Variants in RANBP2 observed in about 807,000 individuals in gnomAD.
RANBP2 encodes RAN binding protein 2.
A neutral mutation model predicts 303.6 loss-of-function variants in RANBP2; 57 were observed. The observed-to-expected ratio is 0.19, with a 90% CI of 0.15 to 0.23. The LOEUF is 0.23. RANBP2 is among the 10% of genes least tolerant of loss of function. The pLI is 1.00. For missense variants in RANBP2, 3,138 were observed against 3,780.8 expected, an observed-to-expected ratio of 0.83 and a Z score of 4.46; for synonymous variants, 1,167 against 1,301.5, an observed-to-expected ratio of 0.90 and a Z score of 2.23.
At chr2:108,821,428 G>A in the RANBP2 span, among the ~76,000 whole-genome samples, 1 of 152,128 alleles carries the variant, frequency 6.6e-6, no homozygotes, top group Non-Finnish European at 1.5e-5. Flanking sequence ...CAGAGTTATT[G>A]TATTCAGTTG....
chr2:109,051,910 A>G, the RANBP2 span, among the ~76,000 whole-genome samples: 1 of 151,940 alleles, frequency 6.6e-6, no homozygotes, highest in Non-Finnish European at 1.5e-5. Flanking sequence ...CACCATGCCC[A>G]GCTAATTTTT....
chr2:109,595,553 G>A, the RANBP2 span, among the ~76,000 whole-genome samples: 1 of 152,134 alleles, frequency 6.6e-6, no homozygotes, highest in African/African-American at 2.4e-5. Flanking sequence ...CAGAAATTTG[G>A]AGAAATTAGA....
At chr2:109,466,603 T>C in the RANBP2 span, among the ~76,000 whole-genome samples, 2 of 151,618 alleles carry the variant, frequency 1.3e-5, no homozygotes, top group African/African-American at 2.4e-5. Context: ...ATTTATTAAC[T>C]ATTTCATGAT....
chr2:109,195,986 A>C, the RANBP2 span, among the ~76,000 whole-genome samples: 2 of 152,232 alleles, frequency 1.3e-5, no homozygotes. Flanking sequence ...AGACACCACC[A>C]GAAACTCCCA....
the RANBP2 span, among the ~76,000 whole-genome samples, chr2:108,914,978 T>C: frequency 6.6e-6 from 1 of 152,250 alleles, no homozygotes; most frequent in South Asian, 2.1e-4. Context: ...AGTGGCACGA[T>C]CTTGGCTCAC....
At chr2:109,423,247 G>A in the RANBP2 span, among the ~76,000 whole-genome samples, 48 of 152,088 alleles carry the variant, frequency 3.2e-4, no homozygotes, top group African/African-American at 9.2e-4. Flanking sequence ...CGTGGCCAGC[G>A]GTTTTCATCC....
At chr2:108,809,893 C>T in the RANBP2 span, among the ~76,000 whole-genome samples, 1 of 152,284 alleles carries the variant, frequency 6.6e-6, no homozygotes, top group East Asian at 1.9e-4. Flanking sequence ...GCAACCTCCA[C>T]CTCCTGGGTT....
At chr2:108,820,671 C>T in the RANBP2 span, among the ~76,000 whole-genome samples, 1 of 143,700 alleles carries the variant, frequency 7.0e-6, no homozygotes, top group East Asian at 2.0e-4. Flanking sequence ...TGCAGGCCAA[C>T]AGGCAGTGGG....
chr2:109,481,138 C>T, the RANBP2 span, among the ~76,000 whole-genome samples: 1 of 152,260 alleles, frequency 6.6e-6, no homozygotes, highest in East Asian at 1.9e-4. Context: ...AACCCTAAGA[C>T]GTGTCAAGAA....
chr2:109,585,422 A>AG, the RANBP2 span: 2 of 996,678 alleles, frequency 2.0e-6, no homozygotes, highest in Non-Finnish European at 3.0e-6. Context: ...AATATTTCAA[A>AG]GGCCAGGGTG....
chr2:109,360,543 G>A, the RANBP2 span, among the ~76,000 whole-genome samples: 1 of 152,180 alleles, frequency 6.6e-6, no homozygotes, highest in Admixed American at 6.5e-5. Flanking sequence ...ATCTCATTAT[G>A]TATATGCAAA....
the RANBP2 span, among the ~76,000 whole-genome samples, chr2:109,095,581 C>T: frequency 6.6e-6 from 1 of 152,060 alleles, no homozygotes; most frequent in African/African-American, 2.4e-5. Context: ...AGCAAGTTGG[C>T]TAAGATTTGA....
chr2:109,323,683 C>G, the RANBP2 span, among the ~76,000 whole-genome samples: 1 of 152,144 alleles, frequency 6.6e-6, no homozygotes, highest in Admixed American at 6.5e-5. Flanking sequence ...GCCTGTGCCT[C>G]GAGGAGATAA....
At chr2:109,186,180 T>G in the RANBP2 span, among the ~76,000 whole-genome samples, 1 of 152,270 alleles carries the variant, frequency 6.6e-6, no homozygotes, top group Non-Finnish European at 1.5e-5. Context: ...ATGTCATTAC[T>G]GAGATTTCTG....
chr2:109,398,905 G>A, the RANBP2 span: 2 of 1,613,526 alleles, frequency 1.2e-6, no homozygotes, highest in African/African-American at 1.3e-5. Context: ...GGCCAGGATT[G>A]GAGACCTTGC....
At chr2:109,614,732 G>A in the RANBP2 span, 2 of 1,488,936 alleles carry the variant, frequency 1.3e-6, no homozygotes, top group South Asian at 1.3e-5. Flanking sequence ...ACCTCAAGAA[G>A]AGGTTCTGTG....
the RANBP2 span, chr2:108,813,038 A>G: frequency 1.3e-6 from 1 of 775,756 alleles, no homozygotes; most frequent in East Asian, 2.8e-5. Flanking sequence ...TCACGATGTC[A>G]GGAGATCGAG....
chr2:108,751,872 C>T lies in RANBP2; in HGVS notation c.1633C>T (p.Pro545Ser), dbSNP rs773341637. 3 of 1,611,874 alleles carry T rather than the reference C, an allele frequency of 1.9e-6. No homozygotes were observed. The highest frequency in any genetic ancestry group is 2.2e-5 in the South Asian group (2 of 90,982). The change falls in exon 12 of 29, where the codon CCT becomes TCT. Residue 545 changes from proline to serine, a missense_variant and splice_region_variant. Physicochemically the swap from Pro to Ser is moderately conservative, Grantham distance 74 (BLOSUM62 -1). Around this residue, in one of 20 missense-constraint regions of RANBP2, gnomAD observed 162 missense variants for 286.9 expected, o/e 0.56. Transcript: ENST00000283195. The stretch of plus-strand genomic sequence containing the variant: ...TTAGTAAATTGAACTATTTTTTAGA[C>T]CTGGAAACGTAGCAAAATTGAGACT... ...VCTLIHRKAVPGNVAKLRLLV... is the reference protein window; with the variant it reads ...VCTLIHRKAVSGNVAKLRLLV...
the RANBP2 span, among the ~76,000 whole-genome samples, chr2:109,306,575 T>C: frequency 6.6e-6 from 1 of 152,138 alleles, no homozygotes. Flanking sequence ...CTGGTGGTGT[T>C]CTCCAGGCAG....
Sources: allele counts gnomAD v4.1 joint callset (sites outside exome capture counted in the v4.1 genomes callset), GRCh38; gene constraint gnomAD v4.1.1; regional missense constraint gnomAD v4.1.1; transcripts MANE v1.5; gene names NCBI Gene and HGNC (gene_info 2026-07-23, HGNC 2026-07-21).